The following SHISA9 variants were observed in gnomAD, a reference collection of about 807,000 sequenced individuals.
The protein encoded by SHISA9 is protein shisa-9.
A neutral mutation model predicts 38.0 loss-of-function variants in SHISA9; 13 were observed. The observed-to-expected ratio is 0.34, with a 90% CI of 0.22 to 0.54. The LOEUF is 0.54. SHISA9 is among the 20% of genes least tolerant of loss of function. The pLI, the probability that SHISA9 is intolerant of heterozygous loss-of-function variation, is 0.91. For missense variants in SHISA9, 538 were observed against 575.8 expected, an observed-to-expected ratio of 0.93 and a Z score of 0.67; for synonymous variants, 275 against 242.0, an observed-to-expected ratio of 1.14 and a Z score of -1.27.
At chr16:13,037,730 C>T (rs2073091192) in intron 2 of SHISA9, among the ~76,000 whole-genome samples, 1 of 152,236 alleles carries the variant, frequency 6.6e-6, no homozygotes, top group Non-Finnish European at 1.5e-5. Context: ...TTTTGTTTTT[C>T]AGTATTTTGA....
chr16:13,167,075 T>C (rs2050643738), intron 2 of SHISA9, among the ~76,000 whole-genome samples: 1 of 146,718 alleles, frequency 6.8e-6, no homozygotes. Flanking sequence ...CTTTTTTCTT[T>C]TTTTTTTTTT....
chr16:13,204,210 G>GTCTATCTATCTA lies in SHISA9; in HGVS notation c.847+690_847+701dup, dbSNP rs199860829. Among the ~76,000 whole-genome samples, 839 of 141,088 alleles carry GTCTATCTATCTA rather than the reference G, an allele frequency of 5.9e-3. 5 individuals are homozygous for GTCTATCTATCTA. The highest frequency in any genetic ancestry group is 0.014 in the Middle Eastern group (4 of 280). 92.6% of individuals were successfully genotyped at this position (141,088 alleles called of 152,430 possible). Reference sequence around the variant, plus strand: ...CTATCTACCTATTATCTGTCTGTCTGTCTATCTATCTATCTATCTATCTAT... The same window carrying GTCTATCTATCTA: ...CTATCTACCTATTATCTGTCTGTCTGTCTATCTATCTATCTATCTATCTATCTATCTATCTAT... On this transcript the variant is annotated intron_variant, in intron 3 of 4. Transcript: ENST00000558583.
chr16:13,177,656 T>C (rs565477446), intron 2 of SHISA9, among the ~76,000 whole-genome samples: 2 of 151,496 alleles, frequency 1.3e-5, no homozygotes, highest in Non-Finnish European at 2.9e-5. Context: ...TTCACGGTGT[T>C]TTTGTTTGTT....
At chr16:13,323,741 C>T in the SHISA9 span, among the ~76,000 whole-genome samples, 1 of 152,126 alleles carries the variant, frequency 6.6e-6, no homozygotes, top group Non-Finnish European at 1.5e-5. Flanking sequence ...CTTATAAAAC[C>T]ATCAGATCTT....
intron 2 of SHISA9, among the ~76,000 whole-genome samples, chr16:13,060,848 C>T (rs1323741439): frequency 6.6e-6 from 1 of 152,126 alleles, no homozygotes; most frequent in Non-Finnish European, 1.5e-5. Flanking sequence ...GACAAGAGCC[C>T]AGCCTGGCTG....
chr16:13,023,522 C>T (rs574543358), intron 2 of SHISA9, among the ~76,000 whole-genome samples: 183 of 152,228 alleles, frequency 1.2e-3, no homozygotes, highest in Middle Eastern at 6.8e-3. Flanking sequence ...TATAATCCTT[C>T]GGGTATATAC....
At chr16:13,334,164 G>T in the SHISA9 span, among the ~76,000 whole-genome samples, 1 of 152,118 alleles carries the variant, frequency 6.6e-6, no homozygotes, top group Non-Finnish European at 1.5e-5. Flanking sequence ...CTCATTGGGG[G>T]CAGACAATCA....
At chr16:13,143,503 C>T (rs1022153982) in intron 2 of SHISA9, among the ~76,000 whole-genome samples, 2 of 152,152 alleles carry the variant, frequency 1.3e-5, no homozygotes, top group African/African-American at 4.8e-5. Context: ...CTGCATGGGT[C>T]CCCTATGGGA....
At chr16:13,103,900 A>G (rs2073902272) in intron 2 of SHISA9, among the ~76,000 whole-genome samples, 1 of 152,170 alleles carries the variant, frequency 6.6e-6, no homozygotes, top group African/African-American at 2.4e-5. Context: ...GAGCATTGGA[A>G]AGAAGTCATC....
At chr16:13,371,167 T>G in the SHISA9 span, among the ~76,000 whole-genome samples, 124,719 of 152,144 alleles carry the variant, frequency 0.82, 51,261 homozygotes, top group East Asian at 0.96. Context: ...TATCCAAAAC[T>G]ACAAAGCTAC....
At chr16:13,158,362 A>C (rs2050565307) in intron 2 of SHISA9, among the ~76,000 whole-genome samples, 1 of 152,208 alleles carries the variant, frequency 6.6e-6, no homozygotes, top group African/African-American at 2.4e-5. Context: ...AATGTATTAA[A>C]AGGAAGTTCA....
intron 2 of SHISA9, among the ~76,000 whole-genome samples, chr16:13,155,482 T>C (rs558357513): frequency 6.6e-6 from 1 of 152,356 alleles, no homozygotes; most frequent in South Asian, 2.1e-4. Flanking sequence ...TGATGTTGAC[T>C]AGATGACCCC....
chr16:13,364,674 C>A, the SHISA9 span, among the ~76,000 whole-genome samples: 3 of 152,132 alleles, frequency 2.0e-5, no homozygotes, highest in Admixed American at 2.0e-4. Flanking sequence ...TTGGATCAAG[C>A]CCTGGAAGAG....
At chr16:12,912,354 C>A (rs554381157) in intron 1 of SHISA9, among the ~76,000 whole-genome samples, 1 of 152,118 alleles carries the variant, frequency 6.6e-6, no homozygotes, top group Non-Finnish European at 1.5e-5. Flanking sequence ...AGGGGATCTG[C>A]GGATGGCAGA....
intron 2 of SHISA9, among the ~76,000 whole-genome samples, chr16:12,995,236 T>C (rs1409834836): frequency 6.6e-6 from 1 of 152,152 alleles, no homozygotes; most frequent in Admixed American, 6.5e-5. Flanking sequence ...AAACAATTCA[T>C]TTACACTCTT....
chr16:13,353,061 G>A, the SHISA9 span, among the ~76,000 whole-genome samples: 68 of 152,272 alleles, frequency 4.5e-4, no homozygotes, highest in African/African-American at 1.5e-3. Context: ...TAGTGTTGAA[G>A]TGTTGGGGCG....
In SHISA9 at chr16:13,239,205, A is replaced by G. The variant is rs1031758341; in HGVS notation, c.*3796A>G. 2.6e-5 allele frequency: 4 copies of G among 151,862 alleles called. No individual in the cohort carries two copies. Among genetic ancestry groups the G allele is most frequent in the African/African-American group, 7.2e-5 (3 of 41,388 alleles). 9.4% of individuals were successfully genotyped at this position (151,862 alleles called of 1,614,324 possible). A position where few individuals can be genotyped will look rare whatever the true frequency, so the allele number is the denominator to read the frequency against. ...GGCTGCATAGTATTCCATGGTGTATATGTGCCACATTTTCTTAATCCAGTC... is the reference window on the plus strand; with the variant it reads ...GGCTGCATAGTATTCCATGGTGTATGTGTGCCACATTTTCTTAATCCAGTC... On this transcript the variant is annotated 3_prime_UTR_variant, in exon 5 of 5. Coordinates refer to ENST00000558583, the MANE Select transcript of SHISA9 (RefSeq NM_001145204.3).
Position 12,918,719 on chromosome 16 carries a change from C to G in SHISA9, c.691+1904C>G, listed in dbSNP as rs75104331. Among the ~76,000 whole-genome samples, 124 of 152,242 alleles carry G rather than the reference C, an allele frequency of 8.1e-4. No individual in the cohort carries two copies. In the East Asian group the frequency reaches 0.021, roughly 25 times the overall value. ...TCTTTTACATCAAGGGAGAAAGTGT[C>G]TCATAATAGTGTACTGGGTAGCACT... On this transcript the variant is annotated intron_variant, in intron 2 of 4. Transcript: ENST00000558583.
the SHISA9 span, among the ~76,000 whole-genome samples, chr16:13,359,274 A>C: frequency 1.3e-5 from 2 of 151,766 alleles, no homozygotes; most frequent in African/African-American, 4.9e-5. Context: ...TGAGGTCAGG[A>C]GTTCAAAACC....
Sources: gnomAD v4.1 joint callset for allele counts (sites outside exome capture counted in the v4.1 genomes callset) on GRCh38, gnomAD v4.1.1 for gene constraint, MANE v1.5 for transcripts, NCBI Gene and HGNC (gene_info 2026-07-23, HGNC 2026-07-21) for gene names.